Variants in SERPINA12 observed in about 807,000 individuals in gnomAD.
SERPINA12 encodes serpin A12.
SERPINA12 carries 21 observed loss-of-function variants against 25.9 expected under a neutral mutation model. The observed-to-expected ratio is 0.81, with a 90% CI of 0.58 to 1.17. The LOEUF (loss-of-function observed/expected upper bound fraction) is 1.17, where lower values mean the gene tolerates loss of function less well. Ranked by LOEUF, SERPINA12 falls within the 50% of genes most tolerant of loss-of-function variation. The pLI, the probability that SERPINA12 is intolerant of heterozygous loss-of-function variation, is 0.00. For synonymous variants in SERPINA12, 220 were observed against 196.0 expected, an observed-to-expected ratio of 1.12 and a Z score of -1.02; for missense variants, 562 against 508.3, an observed-to-expected ratio of 1.11 and a Z score of -1.02.
chr14:94,517,214 G>T (rs1901257509), intron 1 of SERPINA12, among the ~76,000 whole-genome samples: 1 of 152,260 alleles, frequency 6.6e-6, no homozygotes, highest in South Asian at 2.1e-4. Flanking sequence ...TTGCACCCAG[G>T]CAGTGCCTGT....
Position 94,494,048 on chromosome 14 carries a change from G to C in SERPINA12, c.905+2325C>G, listed in dbSNP as rs539159424. 1.4e-3 allele frequency among the ~76,000 whole-genome samples: 220 copies of C among 152,268 alleles called. 2 individuals carry two copies. The highest frequency in any genetic ancestry group is 5.1e-3 in the African/African-American group (211 of 41,538). On this transcript the variant is annotated intron_variant, in intron 3 of 4. Coordinates refer to ENST00000677451, the MANE Select transcript of SERPINA12 (RefSeq NM_001382267.1). ...ATAGGGGTGGAGTGCACTCAGGACA[G>C]TGAGTTCCAGCAAATCAACTGCAGA...
At chr14:94,495,806 C>A (rs192670968) in intron 3 of SERPINA12, among the ~76,000 whole-genome samples, 10 of 152,308 alleles carry the variant, frequency 6.6e-5, no homozygotes, top group East Asian at 1.9e-4. Context: ...CAACTCTTAC[C>A]TTTTCCCCCA....
At chr14:94,493,321 G>A (rs981619672) in intron 3 of SERPINA12, among the ~76,000 whole-genome samples, 1 of 152,226 alleles carries the variant, frequency 6.6e-6, no homozygotes, top group East Asian at 1.9e-4. Flanking sequence ...AGGATTTGGA[G>A]TTTCTTCTCG....
At chr14:94,490,506 A>G (rs1900130566) in intron 3 of SERPINA12, among the ~76,000 whole-genome samples, 1 of 151,564 alleles carries the variant, frequency 6.6e-6, no homozygotes, top group Non-Finnish European at 1.5e-5. Context: ...ATTCCTGCCT[A>G]TGTGTCCTCT....
chr14:94,509,909 A>C (rs1901064061), upstream of SERPINA12: 1 of 875,144 alleles, frequency 1.1e-6, no homozygotes, highest in Non-Finnish European at 1.4e-6. Context: ...GGGACAGGAC[A>C]GGAATGGGTG....
rs75873968 is a variant in SERPINA12 at position 94,492,629 on chromosome 14, C to A, written c.906-2862G>T. 8.3e-3 allele frequency among the ~76,000 whole-genome samples: 1,264 copies of A among 152,298 alleles called. 20 individuals are homozygous for A. Among genetic ancestry groups the A allele is most frequent in the African/African-American group, 0.029 (1,211 of 41,552 alleles). On this transcript the variant is annotated intron_variant, in intron 3 of 4. Transcript: ENST00000677451. The stretch of plus-strand genomic sequence containing the variant: ...GGAGAGGATTTCTAGGGTGATGTTC[C>A]TGAGTAGCAGGGGGCCGTAGGTCCA...
At chr14:94,505,611 T>C (rs1459672501) in intron 1 of SERPINA12, among the ~76,000 whole-genome samples, 2 of 151,964 alleles carry the variant, frequency 1.3e-5, no homozygotes, top group Non-Finnish European at 2.9e-5. Context: ...GCCAGTGAGG[T>C]GGACACTGAC....
At chr14:94,515,948 A>T (rs1901222013) in exon 2 of SERPINA12, 2 of 152,280 alleles carry the variant, frequency 1.3e-5, no homozygotes. Context: ...AGAGTTTTGC[A>T]AGTGGGGAAT....
rs780553916 is a variant in SERPINA12 at position 94,497,808 on chromosome 14, T to G, written c.590A>C (p.Asp197Ala). 1 of 1,612,090 alleles carries G rather than the reference T, an allele frequency of 6.2e-7. No individual in the cohort carries two copies. Residue 197 changes from aspartate (D) to alanine (A), a missense_variant, in exon 2 of 5, where the codon GAC becomes GCC. Asp to Ala is a moderately radical substitution (Grantham distance 126). Coordinates refer to ENST00000677451, the MANE Select transcript of SERPINA12 (RefSeq NM_001382267.1). ...TGCAAGAAGCATCACAGTGCCGGGG[T>G]CTATATTCTCGATCAGGTTGTTAAT... is the stretch of plus-strand genomic sequence containing the variant. ...GKINNLIENI[D>A]PGTVMLLANY...
intron 3 of SERPINA12, among the ~76,000 whole-genome samples, chr14:94,490,177 C>G (rs1900108951): frequency 6.6e-6 from 1 of 152,204 alleles, no homozygotes; most frequent in South Asian, 2.1e-4. Context: ...GAACTGAGTT[C>G]AAATCCACTC....
exon 1 of SERPINA12, chr14:94,517,821 G>T (rs1901273490): frequency 6.6e-6 from 1 of 152,220 alleles, no homozygotes; most frequent in East Asian, 1.9e-4. Flanking sequence ...GGCTGGTGAG[G>T]ACTCTCTGCC....
chr14:94,500,148 C>T (rs1460664234), intron 1 of SERPINA12, among the ~76,000 whole-genome samples: 4 of 152,166 alleles, frequency 2.6e-5, no homozygotes, highest in South Asian at 2.1e-4. Flanking sequence ...AATCCTTCTA[C>T]GCCAAGCACT....
chr14:94,489,709 T>C lies in SERPINA12; in HGVS notation c.964A>G (p.Thr322Ala), dbSNP rs749440405. The stretch of plus-strand genomic sequence containing the variant: ...TTGGAGACACCTATGTAGGAGAGAG[T>C]CTTCTTCAGGTCGAAGGTGCCCGTC... ...HMTGTFDLKK[T>A]LSYIGVSKIF... The change falls in exon 4 of 5, where the codon ACT becomes GCT. Residue 322 changes from threonine to alanine, a missense_variant. Physicochemically the swap from Thr to Ala is moderately conservative, Grantham distance 58 (BLOSUM62 0). Coordinates refer to ENST00000677451, the MANE Select transcript of SERPINA12 (RefSeq NM_001382267.1). 3 of 1,613,732 alleles carry C rather than the reference T, an allele frequency of 1.9e-6. No individual in the cohort carries two copies. The highest frequency in any genetic ancestry group is 1.7e-5 in the Admixed American group (1 of 59,976).
intron 2 of SERPINA12, 110 bp downstream of exon 2, chr14:94,497,654 A>T: frequency 1.0e-6 from 1 of 994,468 alleles, no homozygotes; most frequent in Non-Finnish European, 1.5e-6. Flanking sequence ...TTGAGAGATA[A>T]ATCACATATG....
chr14:94,507,921 C>A (rs1270374427), intron 1 of SERPINA12, among the ~76,000 whole-genome samples: 1 of 152,182 alleles, frequency 6.6e-6, no homozygotes, highest in Non-Finnish European at 1.5e-5. Flanking sequence ...TGTGATAGAC[C>A]TAAAGTGGAA....
upstream of SERPINA12, chr14:94,510,271 C>T (rs1421175549): frequency 2.9e-5 from 29 of 985,040 alleles, no homozygotes; most frequent in Non-Finnish European, 3.1e-5. Flanking sequence ...GACCCAAGTC[C>T]GTGCTAAATG....
At chr14:94,503,135 A>C (rs1233766456) in intron 1 of SERPINA12, 1 of 927,998 alleles carries the variant, frequency 1.1e-6, no homozygotes, top group African/African-American at 1.8e-5. Flanking sequence ...CTTTAAGAAG[A>C]AATCACTCTA....
chr14:94,497,291 G>A (rs1422711181), intron 2 of SERPINA12, among the ~76,000 whole-genome samples: 2 of 152,342 alleles, frequency 1.3e-5, no homozygotes, highest in East Asian at 3.9e-4. Context: ...GACCCACCAA[G>A]TGATCACCAT....
In SERPINA12 at chr14:94,508,353, A is replaced by G. The variant is rs553713811; in HGVS notation, c.-34+989T>C. ...CAAAATGTTGAAAATCTTTCCACAC[A>G]AAAATCTAAACAAGTAAGAAATAAA... On this transcript the variant is annotated intron_variant, in intron 1 of 4. Coordinates refer to ENST00000677451, the MANE Select transcript of SERPINA12 (RefSeq NM_001382267.1). 4.0e-5 allele frequency among the ~76,000 whole-genome samples: 6 copies of G among 150,504 alleles called. No homozygotes were observed. In the East Asian group the frequency reaches 1.2e-3, roughly 29 times the overall value.
Sources: allele counts gnomAD v4.1 joint callset (sites outside exome capture counted in the v4.1 genomes callset), GRCh38; gene constraint gnomAD v4.1.1; transcripts MANE v1.5; gene names NCBI Gene and HGNC (gene_info 2026-07-23, HGNC 2026-07-21).